SAMD4A: variants seen among roughly 807,000 people sequenced by gnomAD.
SAMD4A encodes sterile alpha motif domain containing 4A.
In SAMD4A, 33 loss-of-function variants were observed where a neutral mutation model predicts 81.3. That is an observed-to-expected ratio of 0.41 (90% CI 0.31 to 0.54). The LOEUF is 0.54. SAMD4A is among the 20% of genes least tolerant of loss of function. SAMD4A has a pLI of 0.37. For synonymous variants in SAMD4A, 389 were observed against 382.1 expected, an observed-to-expected ratio of 1.02 and a Z score of -0.21; for missense variants, 854 against 951.1, an observed-to-expected ratio of 0.90 and a Z score of 1.34.
At chr14:54,570,121 T>G (rs1356483228) in intron 2 of SAMD4A, among the ~76,000 whole-genome samples, 1 of 152,230 alleles carries the variant, frequency 6.6e-6, no homozygotes, top group African/African-American at 2.4e-5. Flanking sequence ...GTCTCCAGTT[T>G]CTGGATTAAT....
At chr14:54,701,979 T>C (rs758009032) in intron 2 of SAMD4A, 83 bp from the exon 3 acceptor site, 2 of 1,422,476 alleles carry the variant, frequency 1.4e-6, no homozygotes, top group Admixed American at 1.9e-5. Context: ...GGGACCCTAA[T>C]CCATAAAAAT....
chr14:54,751,971 G>T (rs17127883), intron 6 of SAMD4A, among the ~76,000 whole-genome samples: 51,092 of 151,964 alleles, frequency 0.34, 9,369 homozygotes, highest in African/African-American at 0.47. Context: ...GAGAAAAGCT[G>T]CCCCCAGAGT....
rs2038364078 is a variant in SAMD4A, at chr14:54,760,379, CG to C, written c.1399del (p.Ala467ProfsTer10). 1.3e-6 allele frequency: 2 copies of C among 1,521,080 alleles called. No homozygotes were observed. The highest frequency in any genetic ancestry group is 1.4e-5 in the African/African-American group (1 of 70,088). 94.2% of individuals were successfully genotyped at this position (1,521,080 alleles called of 1,614,324 possible). Reference protein sequence around the residue: ...ATGATATPSAGASGGLQPHQL... With the variant: ...ATGATATPSAXASGGLQPHQL... The stretch of plus-strand genomic sequence containing the variant: ...CTGGCGCCACGGCCACCCCCTCGGC[CG>C]GGGCCAGCGGGGGGCTCCAGCCGCA... On this transcript the variant is annotated frameshift_variant, in exon 7 of 13. Coordinates refer to ENST00000554335, the MANE Select transcript of SAMD4A (RefSeq NM_015589.6). LOFTEE classifies it high-confidence loss of function.
chr14:54,597,692 C>T (rs919416259), intron 2 of SAMD4A, among the ~76,000 whole-genome samples: 13 of 148,436 alleles, frequency 8.8e-5, no homozygotes, highest in Non-Finnish European at 1.8e-4. Flanking sequence ...CAGGTTCAAG[C>T]GATCCTCCCA....
intron 2 of SAMD4A, among the ~76,000 whole-genome samples, chr14:54,576,640 G>C (rs776633804): frequency 3.3e-5 from 5 of 152,340 alleles, no homozygotes; most frequent in Middle Eastern, 3.4e-3. Flanking sequence ...TGGGGCAGTG[G>C]GAAAGGGGGG....
chr14:54,745,371 C>CT (rs1456728912), intron 4 of SAMD4A, among the ~76,000 whole-genome samples: 2 of 152,184 alleles, frequency 1.3e-5, no homozygotes, highest in African/African-American at 4.8e-5. Context: ...CCTCTTGACT[C>CT]TGTGTTTCCT....
intron 2 of SAMD4A, among the ~76,000 whole-genome samples, chr14:54,592,736 G>A (rs2033813009): frequency 6.6e-6 from 1 of 152,232 alleles, no homozygotes; most frequent in Non-Finnish European, 1.5e-5. Context: ...TGGGATTACA[G>A]GCGTGAGCCA....
intron 2 of SAMD4A, among the ~76,000 whole-genome samples, chr14:54,592,814 A>G (rs1284718286): frequency 1.3e-5 from 2 of 152,112 alleles, no homozygotes; most frequent in African/African-American, 4.8e-5. Flanking sequence ...ATCATCATTG[A>G]TCCTGCCACC....
At chr14:54,669,438 C>CTTCT (rs1336637711) in intron 2 of SAMD4A, among the ~76,000 whole-genome samples, 40 of 132,924 alleles carry the variant, frequency 3.0e-4, no homozygotes, top group African/African-American at 1.1e-3. Flanking sequence ...AGAAGCAACG[C>CTTCT]TTCTTTCTTT....
At chr14:54,583,157 C>T (rs536814784) in intron 2 of SAMD4A, among the ~76,000 whole-genome samples, 49 of 152,018 alleles carry the variant, frequency 3.2e-4, no homozygotes, top group African/African-American at 1.2e-3. Flanking sequence ...AATTTTTTAC[C>T]TTTTAAGAAA....
chr14:54,612,678 T>C (rs759717156), intron 2 of SAMD4A, among the ~76,000 whole-genome samples: 37 of 152,194 alleles, frequency 2.4e-4, no homozygotes, highest in Non-Finnish European at 4.0e-4. Context: ...ATCTGTTTTT[T>C]TCAAATGACC....
rs913859383 is a variant in SAMD4A at position 54,702,474 on chromosome 14, C to T, written c.609C>T (p.Ser203=). ...ATTCTGGGATTTGCATCAATGCCTC[C>T]AACTGGCAGGACAAAAGCATGGGGT... The part of the protein sequence containing the change: ...SRDSGICINA[S]NWQDKSMGCE... The change falls in exon 3 of 13, where the codon TCC becomes TCT. Residue 203 remains serine, a synonymous_variant. Coordinates refer to ENST00000554335, the MANE Select transcript of SAMD4A (RefSeq NM_015589.6). 6.2e-7 allele frequency: 1 copy of T among 1,614,046 alleles called. No homozygotes were observed. The highest frequency in any genetic ancestry group is 8.5e-7 in the Non-Finnish European group (1 of 1,180,004).
At chr14:54,707,674 G>A (rs2036893057) in intron 3 of SAMD4A, among the ~76,000 whole-genome samples, 1 of 152,144 alleles carries the variant, frequency 6.6e-6, no homozygotes, top group Non-Finnish European at 1.5e-5. Context: ...GAAACAGGGT[G>A]GTCAGGGTAG....
chr14:54,665,062 A>G (rs2035728084), intron 2 of SAMD4A, among the ~76,000 whole-genome samples: 1 of 152,170 alleles, frequency 6.6e-6, no homozygotes, highest in South Asian at 2.1e-4. Context: ...TGTCGTGTCT[A>G]GATTCTATAG....
intron 4 of SAMD4A, among the ~76,000 whole-genome samples, chr14:54,743,810 A>G (rs1339544366): frequency 6.6e-6 from 1 of 152,208 alleles, no homozygotes; most frequent in East Asian, 1.9e-4. Context: ...ACGAGGCCCA[A>G]GACCAATCCT....
chr14:54,716,730 C>CT (rs925277384), intron 3 of SAMD4A, among the ~76,000 whole-genome samples: 3 of 152,268 alleles, frequency 2.0e-5, no homozygotes, highest in Non-Finnish European at 1.5e-5. Flanking sequence ...GGCAATGTGT[C>CT]TAACAGTCTT....
chr14:54,739,078 G>A (rs2037781396), intron 4 of SAMD4A, among the ~76,000 whole-genome samples: 2 of 43,208 alleles, frequency 4.6e-5, no homozygotes, highest in South Asian at 9.5e-4. Flanking sequence ...TTTTTTTGAG[G>A]CCCTTATGCA....
intron 2 of SAMD4A, among the ~76,000 whole-genome samples, chr14:54,682,536 G>A (rs933225408): frequency 5.9e-5 from 9 of 152,162 alleles, no homozygotes; most frequent in Non-Finnish European, 1.5e-5. Flanking sequence ...TGATAACCCT[G>A]TTGATAATAA....
chr14:54,678,433 T>G lies in SAMD4A; in HGVS notation c.197-23629T>G, dbSNP rs866118402. 7.4e-3 allele frequency among the ~76,000 whole-genome samples: 603 copies of G among 81,258 alleles called. 4 individuals are homozygous for G. Among genetic ancestry groups the G allele is most frequent in the African/African-American group, 0.01 (172 of 16,960 alleles). 53.3% of individuals were successfully genotyped at this position (81,258 alleles called of 152,430 possible). On this transcript the variant is annotated intron_variant, in intron 2 of 12. Transcript: ENST00000554335. ...GTGTCGTATTTTGGGCAGTCACCAT[T>G]TGTGTGTGTGTGTGTGTGTGTGTGT...
Sources: gnomAD v4.1 joint callset for allele counts (sites outside exome capture counted in the v4.1 genomes callset) on GRCh38, gnomAD v4.1.1 for gene constraint, MANE v1.5 for transcripts, NCBI Gene and HGNC (gene_info 2026-07-23, HGNC 2026-07-21) for gene names.